The following AFAP1 variants were observed in gnomAD, a reference collection of about 807,000 sequenced individuals.
The protein encoded by AFAP1 is actin filament-associated protein 1.
AFAP1 carries 75 observed loss-of-function variants against 93.9 expected under a neutral mutation model. That is an observed-to-expected ratio of 0.80 (90% CI 0.66 to 0.97). The LOEUF (loss-of-function observed/expected upper bound fraction) is 0.97, where lower values mean the gene tolerates loss of function less well. AFAP1 is among the 50% of genes least tolerant of loss of function. AFAP1 has a pLI of 0.00. For missense variants in AFAP1, 1,201 were observed against 1,050.8 expected, an observed-to-expected ratio of 1.14 and a Z score of -1.98; for synonymous variants, 517 against 430.7, an observed-to-expected ratio of 1.20 and a Z score of -2.48.
Position 7,760,523 on chromosome 4 carries a change from C to CCAGCCTTG in AFAP1, c.*3234_*3241dup, listed in dbSNP as rs1477062470. 2.0e-5 allele frequency: 3 copies of CCAGCCTTG among 152,366 alleles called. No individual in the cohort carries two copies. The highest frequency in any genetic ancestry group is 2.9e-5 in the Non-Finnish European group (2 of 68,152). 9.4% of individuals were successfully genotyped at this position (152,366 alleles called of 1,614,324 possible). ...CTCTGGAAGCCGAGGGAGAGAGCTACCAGCCTTGCAGACAGATGGGCCTTG... is the reference window on the plus strand; with the variant it reads ...CTCTGGAAGCCGAGGGAGAGAGCTACCAGCCTTGCAGCCTTGCAGACAGATGGGCCTTG... On this transcript the variant is annotated 3_prime_UTR_variant, in exon 18 of 18. Transcript: ENST00000420658.
rs1052567471 is a variant in AFAP1 at position 7,923,760 on chromosome 4, C to T, written c.-3+15896G>A. 4.6e-5 allele frequency among the ~76,000 whole-genome samples: 7 copies of T among 152,292 alleles called. 1 individual carries two copies. Among genetic ancestry groups the T allele is most frequent in the East Asian group, 3.9e-4 (2 of 5,174 alleles). ...GATTACAGGTGTGAGCCACCGCACC[C>T]GGCCTGGTTTCTCTTCTTCTAAGGC... On this transcript the variant is annotated intron_variant, in intron 1 of 17. Transcript: ENST00000420658.
At chr4:7,920,054 G>C (rs1188951553) in intron 1 of AFAP1, among the ~76,000 whole-genome samples, 1 of 152,142 alleles carries the variant, frequency 6.6e-6, no homozygotes, top group Admixed American at 6.5e-5. Context: ...ATGGGCGTTT[G>C]GGTTGATTCC....
intron 1 of AFAP1, among the ~76,000 whole-genome samples, chr4:7,897,490 C>T (rs1718852987): frequency 6.6e-6 from 1 of 151,788 alleles, no homozygotes; most frequent in African/African-American, 2.4e-5. Context: ...TTGCATTCTG[C>T]TTTTTCTCCC....
intron 1 of AFAP1, among the ~76,000 whole-genome samples, chr4:7,917,612 G>C (rs1417885086): frequency 6.6e-6 from 1 of 152,194 alleles, no homozygotes; most frequent in Non-Finnish European, 1.5e-5. Flanking sequence ...ATGAGCCTCA[G>C]AATCCAGGCC....
intron 4 of AFAP1, among the ~76,000 whole-genome samples, chr4:7,848,557 GAA>G (rs768781830): frequency 1.3e-5 from 2 of 152,102 alleles, no homozygotes; most frequent in Admixed American, 1.3e-4. Flanking sequence ...CCAGCTCACG[GAA>G]AAGAGAGGCC....
intron 1 of AFAP1, among the ~76,000 whole-genome samples, chr4:7,897,769 C>T (rs1260118903): frequency 6.6e-6 from 1 of 152,178 alleles, no homozygotes; most frequent in African/African-American, 2.4e-5. Flanking sequence ...GGTGATCCGC[C>T]TGCCTCGGCC....
At chr4:7,920,677 A>C (rs1454379663) in intron 1 of AFAP1, among the ~76,000 whole-genome samples, 1 of 152,246 alleles carries the variant, frequency 6.6e-6, no homozygotes, top group Admixed American at 6.5e-5. Context: ...TCTCTTACCA[A>C]AGAAACTGCA....
chr4:7,920,985 G>A lies in AFAP1; in HGVS notation c.-3+18671C>T, dbSNP rs138030147. 1.8e-3 allele frequency among the ~76,000 whole-genome samples: 277 copies of A among 150,820 alleles called. 1 individual carries two copies. The highest frequency in any genetic ancestry group is 6.6e-3 in the African/African-American group (270 of 41,074). On this transcript the variant is annotated intron_variant, in intron 1 of 17. Transcript: ENST00000420658. ...ACTATATATTATATATATTTTTGTA[G>A]GTATACCTATATATCCATAAATAAA...
At chr4:7,937,072 A>C (rs1008648948) in intron 1 of AFAP1, among the ~76,000 whole-genome samples, 1 of 152,082 alleles carries the variant, frequency 6.6e-6, no homozygotes, top group Non-Finnish European at 1.5e-5. Context: ...CAACAACTCC[A>C]TTAATGAGAA....
chr4:7,843,637 A>C, intron 4 of AFAP1: 10 of 329,656 alleles, frequency 3.0e-5, no homozygotes, highest in Admixed American at 4.7e-5. Flanking sequence ...CCCGACACTG[A>C]CTCCTCACCA....
intron 3 of AFAP1, among the ~76,000 whole-genome samples, chr4:7,861,664 C>T (rs1056682940): frequency 3.9e-5 from 6 of 152,192 alleles, no homozygotes; most frequent in East Asian, 1.9e-4. Context: ...AGATGGAAGG[C>T]GAGGCAGCCC....
In AFAP1 at chr4:7,891,658, C is replaced by A. The variant is rs530482014; in HGVS notation, c.-2-19578G>T. On this transcript the variant is annotated intron_variant, in intron 1 of 17. Transcript: ENST00000420658. ...TAAAGCTGTGTTACATCTTGATATT[C>A]ATGAGTGAGTCTTCTAATCCAAAGG... Among the ~76,000 whole-genome samples the A allele has an allele frequency of 2.1e-5, 3 of 145,496 alleles. No individual in the cohort carries two copies. The South Asian group carries it at 6.6e-4, about 32-fold the overall frequency.
chr4:7,853,445 C>A (rs1471550491), intron 4 of AFAP1, among the ~76,000 whole-genome samples: 1 of 152,166 alleles, frequency 6.6e-6, no homozygotes, highest in East Asian at 1.9e-4. Flanking sequence ...CCGCAGCTCA[C>A]GTGGGCTGTT....
chr4:7,814,635 C>T (rs573641304), intron 8 of AFAP1, among the ~76,000 whole-genome samples: 8 of 152,300 alleles, frequency 5.3e-5, no homozygotes, highest in South Asian at 2.1e-4. Context: ...GACTCTCCGA[C>T]GCAGCGTGCT....
chr4:7,766,862 G>A (rs868199281), intron 17 of AFAP1, among the ~76,000 whole-genome samples: 7 of 152,162 alleles, frequency 4.6e-5, no homozygotes, highest in Admixed American at 2.0e-4. Context: ...ATTGGAAGCC[G>A]TCTGACTTTC....
chr4:7,898,584 C>A (rs1341082110), intron 1 of AFAP1, among the ~76,000 whole-genome samples: 1 of 150,162 alleles, frequency 6.7e-6, no homozygotes, highest in Non-Finnish European at 1.5e-5. Flanking sequence ...TACGGGAATT[C>A]TCTGTACTAT....
At chr4:7,792,396 G>C (rs184645293) in intron 11 of AFAP1, among the ~76,000 whole-genome samples, 30 of 152,238 alleles carry the variant, frequency 2.0e-4, no homozygotes, top group African/African-American at 7.0e-4. Context: ...GAGTCTATGG[G>C]TGCTGAGTAG....
At chr4:7,898,126 A>G (rs775480764) in intron 1 of AFAP1, among the ~76,000 whole-genome samples, 24 of 152,100 alleles carry the variant, frequency 1.6e-4, no homozygotes, top group Non-Finnish European at 2.9e-4. Flanking sequence ...AAGCCTCCCA[A>G]TCACCGGGGA....
intron 11 of AFAP1, 143 bp downstream of exon 11, chr4:7,793,538 A>C: frequency 2.1e-6 from 2 of 933,538 alleles, no homozygotes; most frequent in Non-Finnish European, 2.9e-6. Flanking sequence ...ATTTCTGCAA[A>C]ATTTGGCTTA....
Sources: gnomAD v4.1 joint callset for allele counts (sites outside exome capture counted in the v4.1 genomes callset) on GRCh38, gnomAD v4.1.1 for gene constraint, MANE v1.5 for transcripts, NCBI Gene and HGNC (gene_info 2026-07-23, HGNC 2026-07-21) for gene names.